The following GRID2 variants were observed in gnomAD, a reference collection of about 807,000 sequenced individuals.
GRID2 encodes the protein glutamate ionotropic receptor delta type subunit 2.
GRID2 carries 33 observed loss-of-function variants against 114.8 expected under a neutral mutation model. The observed-to-expected ratio is 0.29, with a 90% confidence interval of 0.22 to 0.38. The LOEUF (loss-of-function observed/expected upper bound fraction) is 0.38, where lower values mean the gene tolerates loss of function less well. GRID2 is among the 10% of genes least tolerant of loss of function. GRID2 has a pLI of 1.00. For missense variants in GRID2, 1,184 were observed against 1,257.7 expected (o/e 0.94, Z 0.89); for synonymous variants, 505 against 449.9 (o/e 1.12, Z -1.55).
At chr4:93,557,882 AAC>A (rs1182020119) in intron 13 of GRID2, among the ~76,000 whole-genome samples, 1 of 152,204 alleles carries the variant, frequency 6.6e-6, no homozygotes, top group Admixed American at 6.5e-5. Context: ...AATCATAACA[AAC>A]AGTCTCTCAG....
chr4:92,561,844 T>A (rs749440487), intron 1 of GRID2, among the ~76,000 whole-genome samples: 28 of 152,332 alleles, frequency 1.8e-4, no homozygotes, highest in Non-Finnish European at 1.9e-4. Context: ...CAGTTATTCC[T>A]CATGCTGAAA....
At chr4:93,081,215 GA>G (rs1397810814) in intron 2 of GRID2, among the ~76,000 whole-genome samples, 1 of 151,564 alleles carries the variant, frequency 6.6e-6, no homozygotes, top group South Asian at 2.1e-4. Flanking sequence ...AAATAAGTCA[GA>G]AAAAAAAGAT....
chr4:92,848,455 A>C (rs1743503262), intron 2 of GRID2, among the ~76,000 whole-genome samples: 1 of 151,874 alleles, frequency 6.6e-6, no homozygotes, highest in South Asian at 2.1e-4. Flanking sequence ...CCTCCTGCTA[A>C]AGAAAGGCTT....
intron 2 of GRID2, among the ~76,000 whole-genome samples, chr4:92,708,270 C>T (rs1735049464): frequency 6.6e-6 from 1 of 152,118 alleles, no homozygotes; most frequent in South Asian, 2.1e-4. Context: ...TAGTTATTAC[C>T]TTGCAAACTC....
At chr4:92,776,433 C>T (rs1374680136) in intron 2 of GRID2, among the ~76,000 whole-genome samples, 2 of 151,922 alleles carry the variant, frequency 1.3e-5, no homozygotes, top group African/African-American at 4.8e-5. Context: ...ACACACATGA[C>T]ATCCACACAT....
At chr4:93,099,019 G>GTGTGTGTGTGTGTGTGTA (rs1731470531) in intron 3 of GRID2, among the ~76,000 whole-genome samples, 1 of 151,124 alleles carries the variant, frequency 6.6e-6, no homozygotes, top group Non-Finnish European at 1.5e-5. Context: ...GTGTGTGTGT[G>GTGTGTGTGTGTGTGTGTA]TGTGTGTGTA....
intron 8 of GRID2, among the ~76,000 whole-genome samples, chr4:93,311,062 A>G (rs1159549213): frequency 6.6e-6 from 1 of 152,164 alleles, no homozygotes; most frequent in Non-Finnish European, 1.5e-5. Context: ...AGATTATCAT[A>G]AAGATCTGGA....
chr4:92,502,466 T>C (rs1723732524), intron 1 of GRID2, among the ~76,000 whole-genome samples: 1 of 151,960 alleles, frequency 6.6e-6, no homozygotes. Flanking sequence ...TTCAAGGTAG[T>C]TTGATTAAAT....
At chr4:92,436,146 T>G (rs1732725410) in intron 1 of GRID2, among the ~76,000 whole-genome samples, 1 of 152,184 alleles carries the variant, frequency 6.6e-6, no homozygotes, top group Non-Finnish European at 1.5e-5. Flanking sequence ...GCAAAATTAT[T>G]CTATTAAATT....
chr4:93,042,709 A>G (rs1414362250), intron 2 of GRID2, among the ~76,000 whole-genome samples: 1 of 145,472 alleles, frequency 6.9e-6, no homozygotes, highest in Non-Finnish European at 1.5e-5. Context: ...ATATGCATAT[A>G]TATATAGATA....
chr4:93,717,253 T>C (rs925792576), intron 14 of GRID2, among the ~76,000 whole-genome samples: 27 of 152,188 alleles, frequency 1.8e-4, no homozygotes, highest in African/African-American at 6.5e-4. Flanking sequence ...GTTGGAACTT[T>C]ATGGGGTATG....
intron 2 of GRID2, among the ~76,000 whole-genome samples, chr4:92,734,260 T>A (rs1736478811): frequency 6.6e-6 from 1 of 152,076 alleles, no homozygotes; most frequent in South Asian, 2.1e-4. Flanking sequence ...TGCATCACTC[T>A]ATTTTTTTCT....
At chr4:92,778,165 C>T (rs1738896025) in intron 2 of GRID2, among the ~76,000 whole-genome samples, 1 of 152,096 alleles carries the variant, frequency 6.6e-6, no homozygotes, top group African/African-American at 2.4e-5. Context: ...ACCTTATGTT[C>T]CCATCTCAAT....
At chr4:93,516,453 A>G (rs1729743243) in intron 13 of GRID2, among the ~76,000 whole-genome samples, 1 of 152,132 alleles carries the variant, frequency 6.6e-6, no homozygotes, top group South Asian at 2.1e-4. Flanking sequence ...TGGTGATGCT[A>G]ACATAAACCT....
intron 6 of GRID2, among the ~76,000 whole-genome samples, chr4:93,221,182 T>G (rs1193431884): frequency 6.6e-6 from 1 of 152,154 alleles, no homozygotes; most frequent in Admixed American, 6.6e-5. Context: ...CACTATTCTC[T>G]CCTAGTCAGA....
chr4:93,613,942 T>C (rs989896533), intron 13 of GRID2, among the ~76,000 whole-genome samples: 7 of 151,824 alleles, frequency 4.6e-5, no homozygotes, highest in Non-Finnish European at 8.8e-5. Context: ...GATCTCAGAC[T>C]GCTGTGCTAG....
chr4:92,787,258 G>A (rs921927065), intron 2 of GRID2, among the ~76,000 whole-genome samples: 1 of 151,788 alleles, frequency 6.6e-6, no homozygotes, highest in African/African-American at 2.4e-5. Flanking sequence ...AGAATCAGAT[G>A]ACCCAAAACA....
intron 2 of GRID2, among the ~76,000 whole-genome samples, chr4:92,955,946 C>T (rs1270521205): frequency 6.6e-6 from 1 of 152,120 alleles, no homozygotes; most frequent in Non-Finnish European, 1.5e-5. Context: ...TTCTCTATCT[C>T]CTGACCTCGT....
intron 1 of GRID2, among the ~76,000 whole-genome samples, chr4:92,574,629 C>A (rs906091469): frequency 6.6e-6 from 1 of 152,056 alleles, no homozygotes; most frequent in African/African-American, 2.4e-5. Context: ...AAATTCTGTT[C>A]TTTAAAATGT....
Sources: allele counts gnomAD v4.1 joint callset (sites outside exome capture counted in the v4.1 genomes callset), GRCh38; gene constraint gnomAD v4.1.1; transcripts MANE v1.5; gene names NCBI Gene and HGNC (gene_info 2026-07-23, HGNC 2026-07-21).